MAN2A1: variants seen among roughly 807,000 people sequenced by gnomAD.
The protein encoded by MAN2A1 is mannosidase alpha class 2A member 1, also known as alpha-mannosidase 2.
MAN2A1 carries 76 observed loss-of-function variants against 142.6 expected under a neutral mutation model. The ratio of observed to expected loss-of-function variants is 0.53; its 90% CI spans 0.44 to 0.65. The LOEUF is 0.65. Ranked by LOEUF, MAN2A1 falls within the 30% of genes least tolerant of loss-of-function variation. MAN2A1 has a pLI of 0.00. For synonymous variants in MAN2A1, 559 were observed against 473.2 expected (o/e 1.18, Z -2.35); for missense variants, 1,311 against 1,365.1 (o/e 0.96, Z 0.62).
intron 4 of MAN2A1, among the ~76,000 whole-genome samples, chr5:109,735,978 A>G (rs1195791941): frequency 6.9e-6 from 1 of 145,014 alleles, no homozygotes; most frequent in Non-Finnish European, 1.5e-5. Flanking sequence ...TACTGGGATT[A>G]ATTAACTACC....
intron 3 of MAN2A1, among the ~76,000 whole-genome samples, chr5:109,726,342 G>T (rs568198811): frequency 1.3e-5 from 2 of 152,250 alleles, no homozygotes; most frequent in Admixed American, 1.3e-4. Context: ...CAGTGTAAAA[G>T]GAAATACTTG....
intron 12 of MAN2A1, among the ~76,000 whole-genome samples, chr5:109,795,707 C>A (rs35929944): frequency 6.6e-6 from 1 of 152,124 alleles, no homozygotes; most frequent in Admixed American, 6.6e-5. Context: ...ATGTCTACCC[C>A]CAAGGCTTTC....
At position 109,845,999 on chromosome 5, in the gene MAN2A1, G is replaced by T; in HGVS notation, c.2835G>T (p.Leu945Phe). Residue 945 changes from leucine (L) to phenylalanine (F), a missense_variant, in exon 18 of 22, where the codon TTG (leucine) becomes TTT (phenylalanine). Transcript: ENST00000261483. Reference protein sequence around the residue: ...LSAQSLGVSSLNSGQIEVIMD... With the variant: ...LSAQSLGVSSFNSGQIEVIMD... ...CTCAGTCATTAGGGGTTTCGAGTTT[G>T]AATAGTGGTATGTATTGCTTACACT... 6.2e-7 allele frequency: 1 copy of T among 1,611,602 alleles called. No individual in the cohort carries two copies. Among genetic ancestry groups the T allele is most frequent in the East Asian group, 2.2e-5 (1 of 44,718 alleles).
At chr5:109,755,233 A>G (rs1268132048) in intron 4 of MAN2A1, 96 bp from the exon 5 acceptor site, 1 of 953,874 alleles carries the variant, frequency 1.0e-6, no homozygotes, top group African/African-American at 1.7e-5. Context: ...TACTGGTTAT[A>G]TTTAAAGGCT....
At chr5:109,734,782 T>C (rs1561484833) in intron 4 of MAN2A1, among the ~76,000 whole-genome samples, 4 of 152,182 alleles carry the variant, frequency 2.6e-5, no homozygotes, top group South Asian at 4.1e-4. Context: ...AGGAGGGCTT[T>C]ACTTCCAACT....
At chr5:109,733,764 C>T (rs550221205) in intron 4 of MAN2A1, among the ~76,000 whole-genome samples, 56 of 152,214 alleles carry the variant, frequency 3.7e-4, no homozygotes, top group Non-Finnish European at 6.3e-4. Context: ...TTCGGTTTGC[C>T]AGTATTTTAT....
rs369917685 is a variant in MAN2A1 at position 109,819,526 on chromosome 5, A to G, written c.2110-143A>G. The G allele has an allele frequency of 5.5e-5, 27 of 488,638 alleles. 1 individual carries two copies. Among genetic ancestry groups the G allele is most frequent in the Admixed American group, 1.7e-4 (4 of 24,206 alleles). The allele number at this position is 488,638 out of a possible 1,614,324, so 30.3% of individuals were successfully genotyped here. ...TCTGTAATTGGTTGAAACTGTGGAC[A>G]TGGAACCTGTGGATATGGAGGGCCA... On this transcript the variant is annotated intron_variant, in intron 13 of 21. Transcript: ENST00000261483.
At chr5:109,828,691 C>T (rs889191943) in intron 16 of MAN2A1, among the ~76,000 whole-genome samples, 1 of 152,068 alleles carries the variant, frequency 6.6e-6, no homozygotes, top group Non-Finnish European at 1.5e-5. Context: ...ATGTTTTAAC[C>T]CTTAGGGGAA....
chr5:109,692,027 A>G (rs1348974592), intron 1 of MAN2A1, among the ~76,000 whole-genome samples: 1 of 152,192 alleles, frequency 6.6e-6, no homozygotes, highest in Non-Finnish European at 1.5e-5. Context: ...ATAAAAAGTG[A>G]TATTTTTACT....
At chr5:109,741,209 C>G (rs918184712) in intron 4 of MAN2A1, among the ~76,000 whole-genome samples, 4 of 152,054 alleles carry the variant, frequency 2.6e-5, no homozygotes, top group Non-Finnish European at 4.4e-5. Context: ...GGTTTTATAG[C>G]CAGATTAGTG....
In MAN2A1 at chr5:109,842,465, AT is replaced by A; in HGVS notation, c.2700+9del. On this transcript the variant is annotated splice_donor_5th_base_variant and intron_variant, in intron 17 of 21. Transcript: ENST00000261483. The stretch of plus-strand genomic sequence containing the variant: ...TACTGACCTAAATGGGTACCAGGTA[AT>A]TTTTCCTTTAAAATGTTTAAGTAAT... 1.3e-6 allele frequency: 2 copies of A among 1,534,324 alleles called. No individual in the cohort carries two copies. The highest frequency in any genetic ancestry group is 1.8e-6 in the Non-Finnish European group (2 of 1,127,250).
chr5:109,701,359 G>T (rs1036208592), intron 1 of MAN2A1, among the ~76,000 whole-genome samples: 1 of 152,154 alleles, frequency 6.6e-6, no homozygotes, highest in Non-Finnish European at 1.5e-5. Flanking sequence ...GAGGAGATTG[G>T]CTTGATTTAG....
chr5:109,760,634 G>T (rs113832239), intron 5 of MAN2A1, among the ~76,000 whole-genome samples: 1 of 152,000 alleles, frequency 6.6e-6, no homozygotes, highest in African/African-American at 2.4e-5. Flanking sequence ...ATCCTGTCCC[G>T]CATCTGTTGT....
chr5:109,830,872 A>G (rs1055631282), intron 16 of MAN2A1, among the ~76,000 whole-genome samples: 1 of 152,250 alleles, frequency 6.6e-6, no homozygotes, highest in South Asian at 2.1e-4. Context: ...CTGCAAGCAC[A>G]TTCTGGTTAC....
At chr5:109,697,723 T>C (rs965316281) in intron 1 of MAN2A1, among the ~76,000 whole-genome samples, 1 of 152,336 alleles carries the variant, frequency 6.6e-6, no homozygotes, top group South Asian at 2.1e-4. Context: ...TTTTCAGAGT[T>C]TGCCAATCCC....
intron 18 of MAN2A1, among the ~76,000 whole-genome samples, chr5:109,846,223 C>A (rs574788989): frequency 3.3e-4 from 51 of 152,262 alleles, no homozygotes; most frequent in African/African-American, 1.2e-3. Context: ...AACAGGAGAC[C>A]TAAAATTCCA....
chr5:109,788,972 G>A lies in MAN2A1; in HGVS notation c.1799G>A (p.Gly600Glu). Residue 600 changes from glycine (G) to glutamate (E), a missense_variant, in exon 11 of 22, where the codon GGA becomes GAA. Transcript: ENST00000261483. ...TTAATGGTTTTGGAGAAGATAATTG[G>A]AAATTCTGCATTTCTTCTTATTTTG... Reference protein sequence around the residue: ...HSLMVLEKIIGNSAFLLILKD... With the variant: ...HSLMVLEKIIENSAFLLILKD... 6.2e-7 allele frequency: 1 copy of A among 1,603,820 alleles called. No individual in the cohort carries two copies. Among genetic ancestry groups the A allele is most frequent in the South Asian group, 1.1e-5 (1 of 90,314 alleles).
chr5:109,706,857 T>G (rs1751148857), intron 1 of MAN2A1, among the ~76,000 whole-genome samples: 1 of 152,200 alleles, frequency 6.6e-6, no homozygotes, highest in South Asian at 2.1e-4. Context: ...TCGGTGGGTA[T>G]ATTATAAACA....
intron 20 of MAN2A1, among the ~76,000 whole-genome samples, chr5:109,861,807 G>A (rs758733991): frequency 6.6e-6 from 1 of 152,136 alleles, no homozygotes; most frequent in African/African-American, 2.4e-5. Context: ...GGAATACACT[G>A]TCTATTTTTC....
Sources: gnomAD v4.1 joint callset for allele counts (sites outside exome capture counted in the v4.1 genomes callset) on GRCh38, gnomAD v4.1.1 for gene constraint, MANE v1.5 for transcripts, NCBI Gene and HGNC (gene_info 2026-07-23, HGNC 2026-07-21) for gene names.